Variants in RERE observed in about 807,000 individuals in gnomAD.
The protein encoded by RERE is arginine-glutamic acid dipeptide repeats.
A neutral mutation model predicts 146.1 loss-of-function variants in RERE; 40 were observed. That is an observed-to-expected ratio of 0.27 (90% CI 0.21 to 0.36). The LOEUF (loss-of-function observed/expected upper bound fraction) is 0.36, where lower values mean the gene tolerates loss of function less well. RERE is among the 10% of genes least tolerant of loss of function. The pLI is 1.00. For synonymous variants in RERE, 1,003 were observed against 866.0 expected (o/e 1.16, Z -2.78); for missense variants, 1,933 against 2,138.7 (o/e 0.90, Z 1.90).
chr1:8,809,317 TCC>T (rs1345312020), intron 1 of RERE, among the ~76,000 whole-genome samples: 5 of 152,066 alleles, frequency 3.3e-5, no homozygotes, highest in Non-Finnish European at 7.3e-5. Context: ...ATAATGATTA[TCC>T]CTACTCCATA....
intron 20 of RERE, among the ~76,000 whole-genome samples, chr1:8,357,639 G>A (rs1391029133): frequency 1.3e-5 from 2 of 152,208 alleles, no homozygotes; most frequent in Admixed American, 6.5e-5. Flanking sequence ...CTCTGCCTCA[G>A]AGCAGCCTCT....
intron 1 of RERE, among the ~76,000 whole-genome samples, chr1:8,745,940 T>C (rs1326232633): frequency 6.6e-6 from 1 of 152,134 alleles, no homozygotes; most frequent in Non-Finnish European, 1.5e-5. Context: ...TGGCAGCACA[T>C]GCCTGTGGTC....
chr1:8,774,981 T>G (rs1167228704), intron 1 of RERE, among the ~76,000 whole-genome samples: 14 of 82,612 alleles, frequency 1.7e-4, no homozygotes, highest in Admixed American at 9.8e-4. Context: ...TTTTTTTTTT[T>G]GAAACAGTCT....
At chr1:8,466,601 G>A (rs1303797781) in intron 10 of RERE, among the ~76,000 whole-genome samples, 2 of 151,976 alleles carry the variant, frequency 1.3e-5, no homozygotes, top group East Asian at 3.8e-4. Flanking sequence ...CATTTCTTAA[G>A]TTTTTTGACT....
At chr1:8,386,991 G>C (rs1642700476) in intron 12 of RERE, among the ~76,000 whole-genome samples, 1 of 152,162 alleles carries the variant, frequency 6.6e-6, no homozygotes, top group Admixed American at 6.5e-5. Context: ...AACAAGACAA[G>C]CTGATTTTAA....
intron 1 of RERE, among the ~76,000 whole-genome samples, chr1:8,666,748 A>G (rs1412742339): frequency 1.3e-5 from 2 of 152,250 alleles, no homozygotes; most frequent in Admixed American, 1.3e-4. Flanking sequence ...CTGCAAACTC[A>G]GACAGAAATA....
chr1:8,812,952 A>AAC (rs369164923), intron 1 of RERE, among the ~76,000 whole-genome samples: 43 of 151,814 alleles, frequency 2.8e-4, no homozygotes, highest in Non-Finnish European at 6.0e-4. Context: ...TTAAAAAAAA[A>AAC]ACACACACAC....
chr1:8,445,089 C>T (rs1260552908), intron 11 of RERE, among the ~76,000 whole-genome samples: 4 of 152,082 alleles, frequency 2.6e-5, no homozygotes, highest in South Asian at 2.1e-4. Flanking sequence ...AGTGGGTATG[C>T]GCTTTCAGGC....
chr1:8,724,392 T>G (rs1639918136), intron 1 of RERE, among the ~76,000 whole-genome samples: 1 of 152,150 alleles, frequency 6.6e-6, no homozygotes, highest in South Asian at 2.1e-4. Context: ...AAACAAAACG[T>G]GAGTAATACT....
At chr1:8,755,834 G>A (rs1640629941) in intron 1 of RERE, among the ~76,000 whole-genome samples, 1 of 152,136 alleles carries the variant, frequency 6.6e-6, no homozygotes, top group African/African-American at 2.4e-5. Flanking sequence ...GGAGGCCAAG[G>A]CAAGAGAATC....
At chr1:8,596,321 G>C (rs1039769133) in intron 4 of RERE, among the ~76,000 whole-genome samples, 1 of 152,188 alleles carries the variant, frequency 6.6e-6, no homozygotes. Context: ...ACACTTTGCT[G>C]TGTATACACA....
At chr1:8,464,068 A>G (rs1262090069) in intron 11 of RERE, among the ~76,000 whole-genome samples, 1 of 152,246 alleles carries the variant, frequency 6.6e-6, no homozygotes, top group Non-Finnish European at 1.5e-5. Context: ...ACGACTTCTC[A>G]AAACTGAATT....
chr1:8,448,768 G>A (rs557787332), intron 11 of RERE, among the ~76,000 whole-genome samples: 1 of 152,062 alleles, frequency 6.6e-6, no homozygotes, highest in Admixed American at 6.6e-5. Context: ...GGCGCAGGTT[G>A]CACTGAGCCG....
intron 10 of RERE, among the ~76,000 whole-genome samples, chr1:8,471,930 G>A (rs1425912090): frequency 6.6e-6 from 1 of 152,170 alleles, no homozygotes; most frequent in Non-Finnish European, 1.5e-5. Context: ...TTCTGCCTCA[G>A]CATCCAGAGT....
chr1:8,709,647 G>A (rs1426998460), intron 1 of RERE, among the ~76,000 whole-genome samples: 2 of 152,168 alleles, frequency 1.3e-5, no homozygotes, highest in Admixed American at 6.5e-5. Flanking sequence ...TCACTTTACA[G>A]AAGACCATTA....
intron 1 of RERE, among the ~76,000 whole-genome samples, chr1:8,703,848 G>A (rs1259138106): frequency 1.3e-5 from 2 of 152,124 alleles, no homozygotes; most frequent in Non-Finnish European, 2.9e-5. Flanking sequence ...AAGATGCACC[G>A]GGAGAAAGCA....
rs1258432484 is a variant in RERE at position 8,354,098 on chromosome 1, G to A, written c.*989C>T. 1.3e-5 allele frequency: 2 copies of A among 152,502 alleles called. No individual in the cohort carries two copies. The highest frequency in any genetic ancestry group is 2.9e-5 in the Non-Finnish European group (2 of 68,046). The allele number at this position is 152,502 out of a possible 1,614,324, so 9.4% of individuals were successfully genotyped here. A position where few individuals can be genotyped will look rare whatever the true frequency, so the allele number is the denominator to read the frequency against. On this transcript the variant is annotated 3_prime_UTR_variant, in exon 23 of 23. Coordinates refer to ENST00000400908, the MANE Select transcript of RERE (RefSeq NM_001042681.2). ...TCAAGTGTGTGTACACAGAAATCTA[G>A]AAGGAAATCTACAATGGACACAGGC...
intron 8 of RERE, among the ~76,000 whole-genome samples, chr1:8,499,862 G>T (rs1345992349): frequency 1.3e-5 from 2 of 152,068 alleles, no homozygotes; most frequent in Non-Finnish European, 2.9e-5. Flanking sequence ...GCTCACGCCT[G>T]TAATCCCAGC....
rs747898114 is a variant in RERE, at chr1:8,360,165, C to T, written c.3342G>A (p.Pro1114=). ...TGTCCACCACAGTGGGCTCCGGGGA[C>T]GGGCTCCTTGGTGGGGGAGGGGGGC... ...PESPPPPPRS[P]SPEPTVVDTP... Residue 1114 remains proline (P), a synonymous_variant, in exon 18 of 23, where the codon CCG becomes CCA. Coordinates refer to ENST00000400908, the MANE Select transcript of RERE (RefSeq NM_001042681.2). 6.1e-5 allele frequency: 98 copies of T among 1,598,760 alleles called. No individual in the cohort carries two copies. In the Admixed American group the frequency reaches 6.3e-4, roughly 10 times the overall value.
Sources: allele counts gnomAD v4.1 joint callset (sites outside exome capture counted in the v4.1 genomes callset), GRCh38; gene constraint gnomAD v4.1.1; transcripts MANE v1.5; gene names NCBI Gene and HGNC (gene_info 2026-07-23, HGNC 2026-07-21).